CLEC12B: variants seen among roughly 807,000 people sequenced by gnomAD.
CLEC12B encodes the protein C-type lectin domain family 12 member B.
CLEC12B carries 25 observed loss-of-function variants against 36.1 expected under a neutral mutation model. That is an observed-to-expected ratio of 0.69 (90% CI 0.50 to 0.97). The LOEUF (loss-of-function observed/expected upper bound fraction) is 0.97. CLEC12B is among the 50% of genes least tolerant of loss of function. The pLI is 0.00. For synonymous variants in CLEC12B, 110 were observed against 108.5 expected (o/e 1.01, Z -0.09); for missense variants, 325 against 318.4 (o/e 1.02, Z -0.16).
At chr12:10,012,522 G>A (rs1865353443) in intron 1 of CLEC12B, among the ~76,000 whole-genome samples, 1 of 152,044 alleles carries the variant, frequency 6.6e-6, no homozygotes, top group Non-Finnish European at 1.5e-5. Flanking sequence ...TTTAGCATTA[G>A]GTATATCTCC....
chr12:10,018,578 A>C lies in CLEC12B; in HGVS notation c.*97A>C. 2.1e-6 allele frequency: 2 copies of C among 956,996 alleles called. No homozygotes were observed. Among genetic ancestry groups the C allele is most frequent in the Non-Finnish European group, 3.1e-6 (2 of 637,202 alleles). The allele number at this position is 956,996 out of a possible 1,614,324, so 59.3% of individuals were successfully genotyped here. On this transcript the variant is annotated 3_prime_UTR_variant, in exon 6 of 6. Transcript: ENST00000338896. ...GGTACCAGAGCCAAACCAGCTTTTA[A>C]AATGACTGTGTATTTACATTATCAG...
intron 5 of CLEC12B, 115 bp from the exon 6 acceptor site, chr12:10,018,216 C>T (rs1262565213): frequency 1.4e-6 from 1 of 717,942 alleles, no homozygotes; most frequent in Non-Finnish European, 2.1e-6. Context: ...TTTGTGGAGG[C>T]AGAAGTCTCT....
upstream of CLEC12B, among the ~76,000 whole-genome samples, chr12:10,010,415 A>G (rs573561285): frequency 1.3e-5 from 2 of 152,340 alleles, no homozygotes; most frequent in South Asian, 4.1e-4. Context: ...TGAAACATTC[A>G]GAGCATCCTC....
rs373797382 is a variant in CLEC12B at position 10,015,334 on chromosome 12, C to A, written c.492C>A (p.Thr164=). The change falls in exon 4 of 6, where the codon ACC becomes ACA. Residue 164 remains threonine (T), a synonymous_variant. Transcript: ENST00000338896. ...ATTTTACAACAAATGAGGAGAAAAC[C>A]TGGGCTAACAGTAGAAAGGACTGCA... The part of the protein sequence containing the change: ...CYYFTTNEEK[T]WANSRKDCID... The A allele has an allele frequency of 2.2e-5, 35 of 1,613,312 alleles. No individual in the cohort carries two copies. Among genetic ancestry groups the A allele is most frequent in the Non-Finnish European group, 2.9e-5 (34 of 1,179,540 alleles).
At chr12:10,013,684 C>A (rs1042319157) in intron 2 of CLEC12B, among the ~76,000 whole-genome samples, 3 of 152,116 alleles carry the variant, frequency 2.0e-5, no homozygotes, top group African/African-American at 7.2e-5. Flanking sequence ...TCCTCTGCTA[C>A]ATTCATTTCT....
rs751583080 is a variant in CLEC12B, at chr12:10,012,762, A to G, written c.92-23A>G. On this transcript the variant is annotated intron_variant, in intron 1 of 5. Coordinates refer to ENST00000338896, the MANE Select transcript of CLEC12B (RefSeq NM_001129998.3). ...AAGCACAAAGCAGTTCTGTGTGCTG[A>G]TTGCTCTTTTGGCTTTCTCCAGGGC... The G allele has an allele frequency of 1.7e-5, 27 of 1,588,508 alleles. No individual in the cohort carries two copies. In the Admixed American group the frequency reaches 3.5e-4, roughly 21 times the overall value.
intron 2 of CLEC12B, among the ~76,000 whole-genome samples, chr12:10,013,627 G>A (rs576581434): frequency 2.5e-4 from 38 of 152,268 alleles, no homozygotes; most frequent in African/African-American, 9.1e-4. Flanking sequence ...TTCGCTTACA[G>A]GGAACTCACA....
intron 2 of CLEC12B, 48 bp from the exon 3 acceptor site, chr12:10,014,475 T>A: frequency 1.8e-5 from 23 of 1,304,830 alleles, no homozygotes; most frequent in Non-Finnish European, 2.4e-5. Flanking sequence ...TATCTACAGT[T>A]ATAAGAATAG....
Position 10,018,464 on chromosome 12 carries a change from A to G in CLEC12B, c.814A>G (p.Thr272Ala), listed in dbSNP as rs1013393324. The change falls in exon 6 of 6, where the codon ACT becomes GCT. Residue 272 changes from threonine to alanine, a missense_variant. Transcript: ENST00000338896. Reference sequence around the variant, plus strand: ...CGAGAAGACAGCTGCCCCAGTGAAGACTGAGGATTTGGATTAGTATGCTTC... The same window carrying G: ...CGAGAAGACAGCTGCCCCAGTGAAGGCTGAGGATTTGGATTAGTATGCTTC... Reference protein sequence around the residue: ...ICEKTAAPVKTEDLD With the variant: ...ICEKTAAPVKAEDLD 1 of 1,550,700 alleles carries G rather than the reference A, an allele frequency of 6.4e-7. No individual in the cohort carries two copies. Among genetic ancestry groups the G allele is most frequent in the African/African-American group, 1.4e-5 (1 of 72,960 alleles).
At chr12:10,017,600 T>A in intron 5 of CLEC12B, 2 of 985,758 alleles carry the variant, frequency 2.0e-6, no homozygotes, top group Non-Finnish European at 2.4e-6. Flanking sequence ...AGCTTCCAGA[T>A]TGCATAGCCA....
intron 1 of CLEC12B, among the ~76,000 whole-genome samples, chr12:10,011,465 T>A (rs1429409546): frequency 6.6e-6 from 1 of 152,196 alleles, no homozygotes; most frequent in Non-Finnish European, 1.5e-5. Context: ...TATTCGAATA[T>A]TAGTATTTTC....
At position 10,018,613 on chromosome 12, in the gene CLEC12B, C is replaced by A; in HGVS notation, c.*132C>A. On this transcript the variant is annotated 3_prime_UTR_variant, in exon 6 of 6. Transcript: ENST00000338896. ...GTATTTACATTATCAGACAAATGAA[C>A]TTGTTTAACAGAACATTCTCCAGTT... The A allele has an allele frequency of 2.8e-6, 2 of 724,084 alleles. No individual in the cohort carries two copies. The highest frequency in any genetic ancestry group is 2.8e-5 in the East Asian group (1 of 35,530). The allele number at this position is 724,084 out of a possible 1,614,324, so 44.9% of individuals were successfully genotyped here.
chr12:10,015,771 A>C, intron 5 of CLEC12B, 44 bp downstream of exon 5: 1 of 1,606,066 alleles, frequency 6.2e-7, no homozygotes. Context: ...TTTCCATGGA[A>C]TCCTGGGAAA....
intron 1 of CLEC12B, among the ~76,000 whole-genome samples, 164 bp from the exon 2 acceptor site, chr12:10,012,621 C>A (rs554224383): frequency 6.6e-6 from 1 of 152,220 alleles, no homozygotes; most frequent in South Asian, 2.1e-4. Context: ...AAGGATGGCA[C>A]CCTCATTGCA....
intron 1 of CLEC12B, among the ~76,000 whole-genome samples, chr12:10,011,960 G>A (rs1001655973): frequency 6.6e-6 from 1 of 152,122 alleles, no homozygotes; most frequent in South Asian, 2.1e-4. Flanking sequence ...AAAACATTGC[G>A]CTAGATGTTA....
At chr12:10,012,231 C>T (rs925070135) in intron 1 of CLEC12B, among the ~76,000 whole-genome samples, 8 of 152,240 alleles carry the variant, frequency 5.3e-5, no homozygotes, top group East Asian at 3.9e-4. Flanking sequence ...GCAGATAGAA[C>T]ATGTGCCTTA....
Position 10,018,405 on chromosome 12 carries a change from T to G in CLEC12B, c.755T>G (p.Ile252Ser). 6.5e-7 allele frequency: 1 copy of G among 1,549,020 alleles called. No homozygotes were observed. The change falls in exon 6 of 6, where the codon ATT becomes AGT. Residue 252 changes from isoleucine to serine, a missense_variant. Ile to Ser is a moderately radical substitution (Grantham distance 142, BLOSUM62 -2). Coordinates refer to ENST00000338896, the MANE Select transcript of CLEC12B (RefSeq NM_001129998.3). ...CAYFQKGNIY[I>S]SRCSAEIFWI... ...TATTTTCAAAAAGGAAATATTTATATTTCTCGCTGTAGTGCTGAAATTTTT... is the reference window on the plus strand; with the variant it reads ...TATTTTCAAAAAGGAAATATTTATAGTTCTCGCTGTAGTGCTGAAATTTTT...
At chr12:10,015,045 G>A (rs984743613) in intron 3 of CLEC12B, among the ~76,000 whole-genome samples, 1 of 152,112 alleles carries the variant, frequency 6.6e-6, no homozygotes, top group African/African-American at 2.4e-5. Context: ...TAATTCTGAG[G>A]TCAGAAGACT....
upstream of CLEC12B, among the ~76,000 whole-genome samples, chr12:10,007,179 A>T (rs1004829064): frequency 2.6e-5 from 4 of 152,168 alleles, no homozygotes; most frequent in African/African-American, 9.6e-5. Flanking sequence ...TGTTAAGAAA[A>T]TTAGAGAAAT....
Sources: gnomAD v4.1 joint callset for allele counts (sites outside exome capture counted in the v4.1 genomes callset) on GRCh38, gnomAD v4.1.1 for gene constraint, MANE v1.5 for transcripts, NCBI Gene and HGNC (gene_info 2026-07-23, HGNC 2026-07-21) for gene names.